The following SPRYD3 variants were observed in gnomAD, a reference collection of about 807,000 sequenced individuals.
SPRYD3 encodes the protein SPRY domain containing 3, also known as SPRY domain-containing protein 3.
SPRYD3 carries 17 observed loss-of-function variants against 50.1 expected under a neutral mutation model. That is an observed-to-expected ratio of 0.34 (90% CI 0.23 to 0.51). The LOEUF (loss-of-function observed/expected upper bound fraction) is 0.51. SPRYD3 is among the 20% of genes least tolerant of loss of function. SPRYD3 has a pLI of 0.97. For synonymous variants in SPRYD3, 198 were observed against 215.5 expected (o/e 0.92, Z 0.71); for missense variants, 401 against 591.2 (o/e 0.68, Z 3.34).
At chr12:53,079,281 T>C in intron 1 of SPRYD3, 30 bp downstream of exon 1, 1 of 1,596,426 alleles carries the variant, frequency 6.3e-7, no homozygotes, top group Non-Finnish European at 8.5e-7. Context: ...ATACGAGGCC[T>C]CCGGGACCCC....
At chr12:53,079,124 C>T (rs1592267906) in intron 1 of SPRYD3, among the ~76,000 whole-genome samples, 187 bp downstream of exon 1, 2 of 152,174 alleles carry the variant, frequency 1.3e-5, no homozygotes, top group South Asian at 4.1e-4. Context: ...CCAGCCCATC[C>T]GTGTGCCTAC....
At chr12:53,073,259 C>CCGGGGGGGGGGGGCG in intron 6 of SPRYD3, 27 bp downstream of exon 6, 1 of 400,932 alleles carries the variant, frequency 2.5e-6, no homozygotes, top group Non-Finnish European at 4.6e-6. Context: ...CGACCCAGCC[C>CCGGGGGGGGGGGGCG]CTCCCACCCT....
Position 53,074,456 on chromosome 12 carries a change from T to C in SPRYD3, c.507+193A>G, listed in dbSNP as rs186741692. Reference sequence around the variant, plus strand: ...CTGTCATCTGGGCAATGTCCCAGCTTCCTCTGGCCATGGGAAGTATCTTCT... The same window carrying C: ...CTGTCATCTGGGCAATGTCCCAGCTCCCTCTGGCCATGGGAAGTATCTTCT... On this transcript the variant is annotated intron_variant, in intron 5 of 10. Transcript: ENST00000301463. This position sits in a 1 kb window ranked among gnomAD's most constrained non-coding sequence, Gnocchi z 4.6. Among the ~76,000 whole-genome samples, 1 of 152,224 alleles carries C rather than the reference T, an allele frequency of 6.6e-6. No individual in the cohort carries two copies. The highest frequency in any genetic ancestry group is 1.5e-5 in the Non-Finnish European group (1 of 68,036).
At position 53,064,677 on chromosome 12, in the gene SPRYD3, G is replaced by A. The variant is rs1017418432; in HGVS notation, c.*1155C>T. ...ATACATTTCATACATCGTAGGGTGGGAAGCGAGGGCCAAAGGGAGGCCCAG... is the reference window on the plus strand; with the variant it reads ...ATACATTTCATACATCGTAGGGTGGAAAGCGAGGGCCAAAGGGAGGCCCAG... On this transcript the variant is annotated 3_prime_UTR_variant, in exon 11 of 11. Transcript: ENST00000301463. 1.3e-5 allele frequency: 2 copies of A among 152,660 alleles called. No homozygotes were observed. The highest frequency in any genetic ancestry group is 4.8e-5 in the African/African-American group (2 of 41,420). The allele number at this position is 152,660 out of a possible 1,614,324, so 9.5% of individuals were successfully genotyped here. A position where few individuals can be genotyped will look rare whatever the true frequency, so the allele number is the denominator to read the frequency against.
At chr12:53,068,406 A>C in intron 6 of SPRYD3, 102 bp from the exon 7 acceptor site, 1 of 1,366,392 alleles carries the variant, frequency 7.3e-7, no homozygotes, top group Non-Finnish European at 1.0e-6. Context: ...GGTCTGACAA[A>C]AACTCCTGGC....
In SPRYD3 at chr12:53,079,239, G is replaced by A. The variant is rs576435076; in HGVS notation, c.23+72C>T. On this transcript the variant is annotated intron_variant, in intron 1 of 10. Transcript: ENST00000301463. ...CCCTGGCCCCAGAGCCCCCGCCCAG[G>A]ACCCCCGCCTTCCGCTTCAGGCTCC... The A allele has an allele frequency of 5.8e-3, 8,653 of 1,492,292 alleles. 34 individuals carry two copies. The highest frequency in any genetic ancestry group is 7.0e-3 in the Non-Finnish European group (7,655 of 1,092,900). 92.4% of individuals were successfully genotyped at this position (1,492,292 alleles called of 1,614,324 possible). A position where few individuals can be genotyped will look rare whatever the true frequency, so the allele number is the denominator to read the frequency against.
In SPRYD3 at chr12:53,068,114, G is replaced by A. The variant is rs1944523185; in HGVS notation, c.843+41C>T. On this transcript the variant is annotated intron_variant, in intron 7 of 10. Transcript: ENST00000301463. ...GTGCTGCCCCAACAGCCCCAGACCT[G>A]AGCAGCTCCATGAGCAAAAAAGCTC... The A allele has an allele frequency of 1.9e-6, 3 of 1,612,770 alleles. No individual in the cohort carries two copies. The African/African-American group carries it at 4.0e-5, about 21-fold the overall frequency.
At position 53,077,156 on chromosome 12, in the gene SPRYD3, C is replaced by T. The variant is rs755093937; in HGVS notation, c.129G>A (p.Gln43=). Residue 43 remains glutamine (Q), a synonymous_variant, in exon 2 of 11, where the codon CAG becomes CAA. Transcript: ENST00000301463. ...EIREVRAFRY[Q]ERFKHILVDG... is the part of the protein sequence containing the mutation. ...CTACAAGGATATGTTTGAACCTCTC[C>T]TGATATCGGAAAGCTCGGACCTCTC... The T allele has an allele frequency of 3.1e-5, 50 of 1,614,126 alleles. No individual in the cohort carries two copies. Among genetic ancestry groups the T allele is most frequent in the Non-Finnish European group, 4.2e-5 (50 of 1,180,060 alleles).
chr12:53,075,963 A>C, intron 2 of SPRYD3, 152 bp from the exon 3 acceptor site: 2 of 668,204 alleles, frequency 3.0e-6, no homozygotes, highest in South Asian at 3.4e-5. Flanking sequence ...TCAGAACCAG[A>C]TACTTAAGGT....
At chr12:53,073,255 A>AGGCCCCGGGGGGGGGGGGC in intron 6 of SPRYD3, 31 bp downstream of exon 6, 1 of 383,668 alleles carries the variant, frequency 2.6e-6, no homozygotes, top group Non-Finnish European at 4.9e-6. Flanking sequence ...CCTCCGACCC[A>AGGCCCCGGGGGGGGGGGGC]GCCCCTCCCA....
chr12:53,075,242 C>G (rs1944580134), intron 3 of SPRYD3, 23 bp from the exon 4 acceptor site: 13 of 1,590,526 alleles, frequency 8.2e-6, no homozygotes, highest in African/African-American at 1.3e-5. Context: ...AAGCAGGGCA[C>G]AGTCAGCAGG....
chr12:53,073,201 C>A, intron 6 of SPRYD3, 85 bp downstream of exon 6: 1 of 890,966 alleles, frequency 1.1e-6, no homozygotes, highest in Non-Finnish European at 1.7e-6. Flanking sequence ...CCATTCCCAG[C>A]AATTCAGACA....
At position 53,072,422 on chromosome 12, in the gene SPRYD3, T is replaced by G. The variant is rs529446339; in HGVS notation, c.693+864A>C. ...AGACTGAGTTGAAAACAGCCTGGGT[T>G]GGGGTGGAAAGGCCAGAGGGTGGAG... On this transcript the variant is annotated intron_variant, in intron 6 of 10. Transcript: ENST00000301463. Among the ~76,000 whole-genome samples the G allele has an allele frequency of 3.3e-5, 5 of 152,168 alleles. No homozygotes were observed. In the East Asian group the frequency reaches 7.7e-4, roughly 24 times the overall value.
At chr12:53,066,262 C>G (rs1486608370) in intron 10 of SPRYD3, 52 bp downstream of exon 10, 1 of 1,590,360 alleles carries the variant, frequency 6.3e-7, no homozygotes, top group African/African-American at 1.3e-5. Flanking sequence ...TAATACCCAC[C>G]CTTTGCCCAG....
rs368396797 is a variant in SPRYD3 at position 53,074,619 on chromosome 12, A to G, written c.507+30T>C. The G allele has an allele frequency of 6.8e-6, 11 of 1,613,918 alleles. No homozygotes were observed. In the African/African-American group the frequency reaches 1.5e-4, roughly 22 times the overall value. ...ACAAATCCTTGGGCAGATTTCAGCC[A>G]CGTAAATCCCACCACTATTTCCCAC... On this transcript the variant is annotated intron_variant, in intron 5 of 10. Transcript: ENST00000301463. This position sits in a 1 kb window ranked among gnomAD's most constrained non-coding sequence, Gnocchi z 4.6.
chr12:53,075,693 C>T (rs756132879), intron 3 of SPRYD3, 43 bp downstream of exon 3: 7 of 1,498,318 alleles, frequency 4.7e-6, no homozygotes, highest in Non-Finnish European at 6.5e-6. Context: ...TGATCTCACC[C>T]CCAAGCTCAC....
At chr12:53,071,113 A>G (rs1944546495) in intron 6 of SPRYD3, among the ~76,000 whole-genome samples, 1 of 152,130 alleles carries the variant, frequency 6.6e-6, no homozygotes. Context: ...CCCTCTTGAC[A>G]GGAGCAAGGA....
In SPRYD3 at chr12:53,065,645, C is replaced by T; in HGVS notation, c.*187G>A. The T allele has an allele frequency of 1.6e-6, 1 of 621,822 alleles. No homozygotes were observed. The highest frequency in any genetic ancestry group is 2.8e-6 in the Non-Finnish European group (1 of 351,776). 38.5% of individuals were successfully genotyped at this position (621,822 alleles called of 1,614,324 possible). A position where few individuals can be genotyped will look rare whatever the true frequency, so the allele number is the denominator to read the frequency against. ...GGGACTCAGGCCCAGGGACTGACAACAGTGGCAGCACCAGGTCAGAAACGT... is the reference window on the plus strand; with the variant it reads ...GGGACTCAGGCCCAGGGACTGACAATAGTGGCAGCACCAGGTCAGAAACGT... On this transcript the variant is annotated 3_prime_UTR_variant, in exon 11 of 11. Transcript: ENST00000301463.
rs1486660769 is a variant in SPRYD3, at chr12:53,066,192, C to T, written c.1194+122G>A. ...AGCAACCCCTGGAGCTGGGAACAGCCCTTGGGCAACGCCAGAGCTTCCCGT... is the reference window on the plus strand; with the variant it reads ...AGCAACCCCTGGAGCTGGGAACAGCTCTTGGGCAACGCCAGAGCTTCCCGT... On this transcript the variant is annotated intron_variant, in intron 10 of 10. Transcript: ENST00000301463. 20 of 1,517,498 alleles carry T rather than the reference C, an allele frequency of 1.3e-5. No individual in the cohort carries two copies. The African/African-American group carries it at 2.5e-4, about 19-fold the overall frequency. 94.0% of individuals were successfully genotyped at this position (1,517,498 alleles called of 1,614,324 possible). A position where few individuals can be genotyped will look rare whatever the true frequency, so the allele number is the denominator to read the frequency against.
Sources: gnomAD v4.1 joint callset for allele counts (sites outside exome capture counted in the v4.1 genomes callset) on GRCh38, gnomAD v4.1.1 for gene constraint, Gnocchi (gnomAD v3.1) non-coding constraint, MANE v1.5 for transcripts, NCBI Gene and HGNC (gene_info 2026-07-23, HGNC 2026-07-21) for gene names.